The following OR5B2 variants were observed in gnomAD, a reference collection of about 807,000 sequenced individuals.
The protein encoded by OR5B2 is olfactory receptor family 5 subfamily B member 2.
For missense variants in OR5B2, 411 were observed against 367.0 expected (o/e 1.12, Z -0.98); for synonymous variants, 163 against 140.8 (o/e 1.16, Z -1.11).
At position 58,422,193 on chromosome 11, in the gene OR5B2, T is replaced by C. The variant is rs980390994; in HGVS notation, c.*139A>G. 2 of 500,434 alleles carry C rather than the reference T, an allele frequency of 4.0e-6. No individual in the cohort carries two copies. The highest frequency in any genetic ancestry group is 1.9e-5 in the African/African-American group (1 of 52,082). 31.0% of individuals were successfully genotyped at this position (500,434 alleles called of 1,614,324 possible). A position where few individuals can be genotyped will look rare whatever the true frequency, so the allele number is the denominator to read the frequency against. ...ATAATATTTTATTTTTATTAAAAAA[T>C]TGACTTCTAAAGAGGTAAGAATATC... On this transcript the variant is annotated 3_prime_UTR_variant, in exon 3 of 3. Transcript: ENST00000641342.
intron 2 of OR5B2, among the ~76,000 whole-genome samples, chr11:58,425,999 AG>A (rs897268330): frequency 1.3e-5 from 2 of 152,176 alleles, no homozygotes; most frequent in African/African-American, 2.4e-5. Flanking sequence ...TCAGTAACAC[AG>A]AACCATGTAT....
rs201032901 is a variant in OR5B2 at position 58,422,949 on chromosome 11, A to G, written c.313T>C (p.Leu105=). 6.2e-7 allele frequency: 1 copy of G among 1,613,870 alleles called. No homozygotes were observed. The highest frequency in any genetic ancestry group is 1.3e-5 in the African/African-American group (1 of 75,030). The change falls in exon 3 of 3, where the codon TTG becomes CTG. Residue 105 remains leucine, a synonymous_variant. Transcript: ENST00000641342. ...CAVQMFFFVA[L]ATVENYLLAS... ...AACAAGTAATTTTCCACCGTGGCCA[A>G]GGCTACAAAGAAGAACATCTGAACA...
rs753922429 is a variant in OR5B2, at chr11:58,422,846, C to T, written c.416G>A (p.Gly139Asp). 5.6e-6 allele frequency: 9 copies of T among 1,613,710 alleles called. No individual in the cohort carries two copies. In the South Asian group the frequency reaches 8.8e-5, roughly 16 times the overall value. The change falls in exon 3 of 3, where the codon GGT (glycine) becomes GAT (aspartate). Residue 139 changes from glycine to aspartate, a missense_variant. By Grantham distance (94) the Gly-to-Asp change is moderately conservative (BLOSUM62 -1). Coordinates refer to ENST00000641342, the MANE Select transcript of OR5B2 (RefSeq NM_001005566.3). The part of the protein sequence containing the change: ...HYTTTMTASV[G>D]ACLALGSYVC... ...ATATGAGCCTAGGGCCAGACAGGCACCTACACTGGCCGTCATGGTGGTGGT... is the reference window on the plus strand; with the variant it reads ...ATATGAGCCTAGGGCCAGACAGGCATCTACACTGGCCGTCATGGTGGTGGT...
intron 2 of OR5B2, 104 bp from the exon 3 acceptor site, chr11:58,423,393 T>C (rs946106649): frequency 3.7e-6 from 2 of 546,410 alleles, no homozygotes; most frequent in Non-Finnish European, 6.2e-6. Context: ...AATTTGTACT[T>C]CAAAATTCTA....
Position 58,422,690 on chromosome 11 carries a change from T to C in OR5B2, c.572A>G (p.His191Arg). 6.2e-7 allele frequency: 1 copy of C among 1,613,632 alleles called. No individual in the cohort carries two copies. The highest frequency in any genetic ancestry group is 8.5e-7 in the Non-Finnish European group (1 of 1,179,764). ...AVMALSCSDK[H>R]TSEVILVFMS... ...AAAAACCAGAATCACCTCACTAGTG[T>C]GTTTATCAGAGCAAGACAGAGCCAT... The change falls in exon 3 of 3, where the codon CAC becomes CGC. Residue 191 changes from histidine to arginine, a missense_variant. Physicochemically the swap from His to Arg is conservative, Grantham distance 29. Coordinates refer to ENST00000641342, the MANE Select transcript of OR5B2 (RefSeq NM_001005566.3).
In OR5B2 at chr11:58,423,031, GGGAGTGACAGCTGA is replaced by G. The variant is rs759358388; in HGVS notation, c.217_230del (p.Ser73GlnfsTer8). The G allele has an allele frequency of 6.1e-5, 98 of 1,613,674 alleles. No homozygotes were observed. Among genetic ancestry groups the G allele is most frequent in the Non-Finnish European group, 8.0e-5 (94 of 1,179,818 alleles). On this transcript the variant is annotated frameshift_variant, in exon 3 of 3. Coordinates refer to ENST00000641342, the MANE Select transcript of OR5B2 (RefSeq NM_001005566.3). LOFTEE classifies it low-confidence loss of function (END_TRUNC). ...CTCTAAGGAACCCAGCCATGACCTT[GGGAGTGACAGCTGA>G]GGAGTATCCAAAGTCCACCAGAGAC...
chr11:58,425,527 G>A (rs1346569561), intron 2 of OR5B2, among the ~76,000 whole-genome samples: 3 of 151,796 alleles, frequency 2.0e-5, no homozygotes, highest in African/African-American at 7.3e-5. Context: ...TGAATACTAG[G>A]TCTAAAATTG....
At position 58,422,559 on chromosome 11, in the gene OR5B2, C is replaced by T. The variant is rs201076930; in HGVS notation, c.703G>A (p.Ala235Thr). Residue 235 changes from alanine (A) to threonine (T), a missense_variant, in exon 3 of 3, where the codon GCA becomes ACA. Transcript: ENST00000641342. Reference sequence around the variant, plus strand: ...AAGTGAGAGGCACAGGTGGACAATGCTTTTTGGTGTCCCTTAGCTGAATGC... The same window carrying T: ...AAGTGAGAGGCACAGGTGGACAATGTTTTTTGGTGTCCCTTAGCTGAATGC... ...KMHSAKGHQK[A>T]LSTCASHFTA... 8 of 1,613,676 alleles carry T rather than the reference C, an allele frequency of 5.0e-6. No homozygotes were observed. Among genetic ancestry groups the T allele is most frequent in the Non-Finnish European group, 6.8e-6 (8 of 1,179,794 alleles).
intron 2 of OR5B2, among the ~76,000 whole-genome samples, chr11:58,424,774 A>G (rs1336817226): frequency 6.6e-6 from 1 of 152,146 alleles, no homozygotes; most frequent in African/African-American, 2.4e-5. Context: ...AGTTTAGCCC[A>G]TGAAAGCATT....
rs11229441 is a variant in OR5B2, at chr11:58,427,860, G to A, written c.-84+159C>T. Among the ~76,000 whole-genome samples the A allele has an allele frequency of 1.2e-3, 186 of 152,260 alleles. 6 individuals carry two copies. The East Asian group carries it at 0.032, about 27-fold the overall frequency. Reference sequence around the variant, plus strand: ...AGTCAAGGGACTGTGAGAAGGAAGAGCACTGGGAAGTACCCCACATGCACT... The same window carrying A: ...AGTCAAGGGACTGTGAGAAGGAAGAACACTGGGAAGTACCCCACATGCACT... On this transcript the variant is annotated intron_variant, in intron 1 of 2. Transcript: ENST00000641342.
Position 58,422,776 on chromosome 11 carries a change from GAATATGCCC to G in OR5B2, c.477_485del (p.Gly160_Phe162del). On this transcript the variant is annotated inframe_deletion, in exon 3 of 3. Transcript: ENST00000641342. ...GATTGGATTTACAGAAAGAGAGACTGAATATGCCCCCAATGTGGAATGAGGCATTTAGGA... is the reference window on the plus strand; with the variant it reads ...GATTGGATTTACAGAAAGAGAGACTGCCAATGTGGAATGAGGCATTTAGGA... 6.2e-7 allele frequency: 1 copy of G among 1,613,834 alleles called. No homozygotes were observed. The highest frequency in any genetic ancestry group is 8.5e-7 in the Non-Finnish European group (1 of 1,179,876).
Position 58,422,965 on chromosome 11 carries a change from C to T in OR5B2, c.297G>A (p.Met99Ile). The change falls in exon 3 of 3, where the codon ATG becomes ATA. Residue 99 changes from methionine (M) to isoleucine (I), a missense_variant. Physicochemically the swap from Met to Ile is conservative, Grantham distance 10. Transcript: ENST00000641342. ...VISYNACAVQ[M>I]FFFVALATVE... is the part of the protein sequence containing the mutation. Reference sequence around the variant, plus strand: ...CCGTGGCCAAGGCTACAAAGAAGAACATCTGAACAGCACATGCATTGTAGG... The same window carrying T: ...CCGTGGCCAAGGCTACAAAGAAGAATATCTGAACAGCACATGCATTGTAGG... 6.2e-7 allele frequency: 1 copy of T among 1,613,852 alleles called. No homozygotes were observed. The highest frequency in any genetic ancestry group is 8.5e-7 in the Non-Finnish European group (1 of 1,179,858).
chr11:58,425,763 T>G (rs1855329405), intron 2 of OR5B2, among the ~76,000 whole-genome samples: 2 of 152,116 alleles, frequency 1.3e-5, no homozygotes, highest in Non-Finnish European at 2.9e-5. Context: ...ATACATTAGC[T>G]CATTTAGCAT....
In OR5B2 at chr11:58,422,206, A is replaced by G. The variant is rs1451046033; in HGVS notation, c.*126T>C. 5.5e-6 allele frequency: 3 copies of G among 549,680 alleles called. No homozygotes were observed. The highest frequency in any genetic ancestry group is 5.6e-5 in the East Asian group (2 of 35,482). 34.1% of individuals were successfully genotyped at this position (549,680 alleles called of 1,614,324 possible). ...TTTATTAAAAAATTGACTTCTAAAG[A>G]GGTAAGAATATCACCTCATGAACTT... On this transcript the variant is annotated 3_prime_UTR_variant, in exon 3 of 3. Transcript: ENST00000641342.
chr11:58,426,148 T>G (rs974247975), intron 2 of OR5B2, among the ~76,000 whole-genome samples: 5 of 151,474 alleles, frequency 3.3e-5, no homozygotes, highest in African/African-American at 1.2e-4. Flanking sequence ...ATGGATTTTT[T>G]GTGTGTATAA....
At position 58,422,768 on chromosome 11, in the gene OR5B2, G is replaced by T; in HGVS notation, c.494C>A (p.Ser165Tyr). 6.2e-7 allele frequency: 1 copy of T among 1,613,840 alleles called. No individual in the cohort carries two copies. Among genetic ancestry groups the T allele is most frequent in the South Asian group, 1.1e-5 (1 of 91,074 alleles). ...SFHIGGIFSL[S>Y]FCKSNLVHHF... ...ATGTACCAGATTGGATTTACAGAAA[G>T]AGAGACTGAATATGCCCCCAATGTG... The change falls in exon 3 of 3, where the codon TCT (serine) becomes TAT (tyrosine). Residue 165 changes from serine (S) to tyrosine (Y), a missense_variant. Transcript: ENST00000641342.
Position 58,422,361 on chromosome 11 carries a change from T to C in OR5B2, c.901A>G (p.Lys301Glu). Residue 301 changes from lysine (K) to glutamate (E), a missense_variant, in exon 3 of 3, where the codon AAA becomes GAA. Coordinates refer to ENST00000641342, the MANE Select transcript of OR5B2 (RefSeq NM_001005566.3). ...AGAAATTTTTGCCTTCTCAACACTTTCTTGAATGCATTCTGGACTTCTCTG... is the reference window on the plus strand; with the variant it reads ...AGAAATTTTTGCCTTCTCAACACTTCCTTGAATGCATTCTGGACTTCTCTG... ...RNREVQNAFK[K>E]VLRRQKFL The C allele has an allele frequency of 6.2e-7, 1 of 1,609,594 alleles. No homozygotes were observed. The highest frequency in any genetic ancestry group is 1.7e-4 in the Middle Eastern group (1 of 6,040).
Position 58,422,892 on chromosome 11 carries a change from C to T in OR5B2, c.370G>A (p.Val124Met), listed in dbSNP as rs779307779. 4 of 1,613,698 alleles carry T rather than the reference C, an allele frequency of 2.5e-6. No individual in the cohort carries two copies. The highest frequency in any genetic ancestry group is 2.2e-5 in the East Asian group (1 of 44,870). ...ASMAYDRYAA[V>M]CKPLHYTTTM... ...GTGGTGTAGTGTAGGGGTTTGCACA[C>T]TGCTGCATAGCGGTCATAGGCCATT... Residue 124 changes from valine (V) to methionine (M), a missense_variant, in exon 3 of 3, where the codon GTG becomes ATG. Coordinates refer to ENST00000641342, the MANE Select transcript of OR5B2 (RefSeq NM_001005566.3).
intron 2 of OR5B2, among the ~76,000 whole-genome samples, chr11:58,424,588 G>A (rs1284117110): frequency 1.3e-5 from 2 of 151,896 alleles, no homozygotes; most frequent in Non-Finnish European, 2.9e-5. Context: ...AAAATGCATC[G>A]TTCGTGGGTT....
Sources: gnomAD v4.1 joint callset for allele counts (sites outside exome capture counted in the v4.1 genomes callset) on GRCh38, gnomAD v4.1.1 for gene constraint, MANE v1.5 for transcripts, NCBI Gene and HGNC (gene_info 2026-07-23, HGNC 2026-07-21) for gene names.